Variants in PAPLN observed in about 807,000 individuals in gnomAD.
PAPLN encodes papilin.
A neutral mutation model predicts 159.0 loss-of-function variants in PAPLN; 146 were observed. The observed-to-expected ratio is 0.92, with a 90% confidence interval of 0.80 to 1.05. The LOEUF is 1.05. Ranked by LOEUF, PAPLN falls within the 50% of genes least tolerant of loss-of-function variation. The probability of loss-of-function intolerance (pLI) is 0.00; values close to 1 mark genes in which losing one functional copy is unlikely to be tolerated. For synonymous variants in PAPLN, 734 were observed against 702.9 expected (o/e 1.04, Z -0.70); for missense variants, 1,720 against 1,743.9 (o/e 0.99, Z 0.24).
intron 1 of PAPLN, among the ~76,000 whole-genome samples, chr14:73,238,977 A>G (rs1432367604): frequency 1.3e-5 from 2 of 152,256 alleles, no homozygotes; most frequent in African/African-American, 4.8e-5. Flanking sequence ...ACATGTATGT[A>G]CACATACACA....
intron 16 of PAPLN, among the ~76,000 whole-genome samples, chr14:73,260,267 CCCT>C (rs1226623530): frequency 6.6e-6 from 1 of 152,140 alleles, no homozygotes; most frequent in Non-Finnish European, 1.5e-5. Flanking sequence ...CGGGCACCCT[CCCT>C]CCTTTCACCT....
Position 73,239,823 on chromosome 14 carries a change from C to T in PAPLN, c.45C>T (p.Pro15=), listed in dbSNP as rs1883338796. The change falls in exon 2 of 27, where the codon CCC becomes CCT. Residue 15 remains proline, a synonymous_variant. Coordinates refer to ENST00000644200, the MANE Select transcript of PAPLN (RefSeq NM_001365906.3). ...LLVPLLLAPA[P]GSSAPKVRRQ... is the part of the protein sequence containing the mutation. Reference sequence around the variant, plus strand: ...TGCCGCTGCTGCTGGCTCCAGCGCCCGGGTCCTCGGTGAGTGCGGTCCTGC... The same window carrying T: ...TGCCGCTGCTGCTGGCTCCAGCGCCTGGGTCCTCGGTGAGTGCGGTCCTGC... 2 of 1,590,612 alleles carry T rather than the reference C, an allele frequency of 1.3e-6. No individual in the cohort carries two copies. Among genetic ancestry groups the T allele is most frequent in the East Asian group, 4.5e-5 (2 of 44,322 alleles).
At position 73,266,725 on chromosome 14, in the gene PAPLN, G is replaced by C; in HGVS notation, c.3394G>C (p.Glu1132Gln). 1 of 1,614,122 alleles carries C rather than the reference G, an allele frequency of 6.2e-7. No individual in the cohort carries two copies. Among genetic ancestry groups the C allele is most frequent in the Non-Finnish European group, 8.5e-7 (1 of 1,180,010 alleles). ...CAATGACTTGTCCTTGTGCCCAGGG[G>C]AGCTGACAATCTCAGGACTGCCCCC... ...QRWVQLRVLG[E>Q]LTISGLPPTV... is the part of the protein sequence containing the mutation. Residue 1132 changes from glutamate to glutamine, a missense_variant and splice_region_variant, in exon 25 of 27, where the codon GAG becomes CAG. Transcript: ENST00000644200.
At chr14:73,268,368 G>A (rs1356125477) in intron 25 of PAPLN, 189 bp from the exon 26 acceptor site, 1 of 537,340 alleles carries the variant, frequency 1.9e-6, no homozygotes, top group Non-Finnish European at 3.2e-6. Context: ...AAGGTTGGAG[G>A]GGCACCATCA....
In PAPLN at chr14:73,265,383, C is replaced by T; in HGVS notation, c.3139C>T (p.Gln1047Ter). 6.2e-6 allele frequency: 10 copies of T among 1,610,242 alleles called. No homozygotes were observed. The highest frequency in any genetic ancestry group is 8.5e-6 in the Non-Finnish European group (10 of 1,179,924). ...CTTGTTTGGCAGGCTGCGTTTGGAC[C>T]AGAACCAGCCCCGGGTGGTGGATGC... ...PQPANRLRLD[Q>*]NQPRVVDASP... is the part of the protein sequence containing the mutation. Residue 1047 changes from glutamine to a stop codon, truncating the protein, a stop_gained, in exon 23 of 27, where the codon CAG becomes TAG. Transcript: ENST00000644200. LOFTEE classifies it high-confidence loss of function. This position sits in a 1 kb window ranked among gnomAD's most constrained non-coding sequence, Gnocchi z 4.1.
intron 20 of PAPLN, 65 bp downstream of exon 20, chr14:73,263,847 G>A: frequency 6.6e-7 from 1 of 1,508,494 alleles, no homozygotes; most frequent in Non-Finnish European, 8.9e-7. Flanking sequence ...CCTGACAGGT[G>A]TGTGTGACAG....
Position 73,259,073 on chromosome 14 carries a change from C to T in PAPLN, c.1708+14C>T, listed in dbSNP as rs1384940590. The T allele has an allele frequency of 1.9e-6, 3 of 1,604,028 alleles. No homozygotes were observed. Among genetic ancestry groups the T allele is most frequent in the Admixed American group, 1.7e-5 (1 of 58,240 alleles). ...CCCCTGCCTCAGGTGAGAGCCTGGT[C>T]CCGTCCCCCACTCAGAGCCCTGTAG... On this transcript the variant is annotated intron_variant, in intron 15 of 26. Transcript: ENST00000644200.
chr14:73,253,783 C>A lies in PAPLN; in HGVS notation c.1124C>A (p.Ser375Ter), dbSNP rs771734384. ...AAGGCAGGGCCATGGGCACCCTGCTCAGCCTCCTGTGGAGGAGGCTCCCAG... is the reference window on the plus strand; with the variant it reads ...AAGGCAGGGCCATGGGCACCCTGCTAAGCCTCCTGTGGAGGAGGCTCCCAG... ...RWKAGPWAPC[S>*]ASCGGGSQSR... Residue 375 changes from serine (S) to a stop codon, truncating the protein, a stop_gained, in exon 12 of 27, where the codon TCA (serine) becomes TAA (stop). Transcript: ENST00000644200. LOFTEE classifies it high-confidence loss of function. 3 of 1,605,352 alleles carry A rather than the reference C, an allele frequency of 1.9e-6. No individual in the cohort carries two copies. The East Asian group carries it at 6.7e-5, about 36-fold the overall frequency.
Position 73,251,757 on chromosome 14 carries a change from A to G in PAPLN, c.764A>G (p.Tyr255Cys). ...ALPAASTILH[Y>C]ERGAEGDLAP... Reference sequence around the variant, plus strand: ...CCAGCAGCCAGCACCATCCTGCATTACGAGCGGGGTGCTGAGGGGGACCTG... The same window carrying G: ...CCAGCAGCCAGCACCATCCTGCATTGCGAGCGGGGTGCTGAGGGGGACCTG... Residue 255 changes from tyrosine (Y) to cysteine (C), a missense_variant, in exon 9 of 27, where the codon TAC (tyrosine) becomes TGC (cysteine). Tyr to Cys is a radical substitution (Grantham distance 194). Coordinates refer to ENST00000644200, the MANE Select transcript of PAPLN (RefSeq NM_001365906.3). 1.2e-6 allele frequency: 2 copies of G among 1,611,504 alleles called. No individual in the cohort carries two copies. Among genetic ancestry groups the G allele is most frequent in the Non-Finnish European group, 1.7e-6 (2 of 1,179,220 alleles).
rs758046167 is a variant in PAPLN, at chr14:73,264,591, G to T, written c.2990G>T (p.Gly997Val). Residue 997 changes from glycine (G) to valine (V), a missense_variant, in exon 22 of 27, where the codon GGT (glycine) becomes GTT (valine). Gly to Val is a moderately radical substitution (Grantham distance 109, BLOSUM62 -3). Coordinates refer to ENST00000644200, the MANE Select transcript of PAPLN (RefSeq NM_001365906.3). ...SQKIQLRIIG[G>V]DMAVLSEAEL... ...GTTTCTCCTGGCCTCATGACAGGGG[G>T]TGACATGGCCGTGCTGTCTGAGGCT... 1 of 1,597,448 alleles carries T rather than the reference G, an allele frequency of 6.3e-7. No homozygotes were observed. Among genetic ancestry groups the T allele is most frequent in the Non-Finnish European group, 8.5e-7 (1 of 1,175,314 alleles).
In PAPLN at chr14:73,258,882, TG is replaced by T; in HGVS notation, c.1628-93del. On this transcript the variant is annotated intron_variant, in intron 14 of 26. Coordinates refer to ENST00000644200, the MANE Select transcript of PAPLN (RefSeq NM_001365906.3). Reference sequence around the variant, plus strand: ...GGGTTCCCAGGCCCTGCCTGGGCAGTGGGGTAGAAGCCAGTGCTGGGCAGGG... The same window carrying T: ...GGGTTCCCAGGCCCTGCCTGGGCAGTGGGTAGAAGCCAGTGCTGGGCAGGG... The T allele has an allele frequency of 3.5e-6, 4 of 1,150,436 alleles. No individual in the cohort carries two copies. In the South Asian group the frequency reaches 6.0e-5, roughly 17 times the overall value. 71.3% of individuals were successfully genotyped at this position (1,150,436 alleles called of 1,614,324 possible). A position where few individuals can be genotyped will look rare whatever the true frequency, so the allele number is the denominator to read the frequency against.
At chr14:73,264,872 G>A in intron 22 of PAPLN, 146 bp downstream of exon 22, 1 of 1,326,706 alleles carries the variant, frequency 7.5e-7, no homozygotes, top group Non-Finnish European at 1.0e-6. Context: ...AGAAAAACAG[G>A]GCTCCCAGAG....
At chr14:73,262,325 C>T in intron 18 of PAPLN, 25 bp from the exon 19 acceptor site, 29 of 1,585,220 alleles carry the variant, frequency 1.8e-5, no homozygotes, top group Non-Finnish European at 2.5e-5. Flanking sequence ...ACCTCAGTGA[C>T]TTATATCACA....
intron 1 of PAPLN, among the ~76,000 whole-genome samples, chr14:73,237,856 C>T (rs1238030068): frequency 6.6e-6 from 1 of 152,100 alleles, no homozygotes; most frequent in Non-Finnish European, 1.5e-5. Context: ...GCGCACCCTC[C>T]GCCCGCTCGG....
Position 73,251,532 on chromosome 14 carries a change from C to T in PAPLN, c.636C>T (p.Leu212=), listed in dbSNP as rs1481745245. ...LIVPMGATSI[L]IDEAAASRNF... ...TTCCCATGGGTGCCACCAGCATCCT[C>T]ATCGACGAGGCTGCTGCCAGCAGGA... Residue 212 remains leucine, a synonymous_variant, in exon 8 of 27, where the codon CTC becomes CTT. Transcript: ENST00000644200. 6.2e-7 allele frequency: 1 copy of T among 1,611,986 alleles called. No homozygotes were observed. Among genetic ancestry groups the T allele is most frequent in the Non-Finnish European group, 8.5e-7 (1 of 1,179,896 alleles).
intron 7 of PAPLN, 122 bp downstream of exon 7, chr14:73,251,152 ATCATATCAGG>A: frequency 6.8e-7 from 1 of 1,467,854 alleles, no homozygotes; most frequent in Non-Finnish European, 9.1e-7. Context: ...GAAGGCTCTG[ATCATATCAGG>A]TCACATCTGA....
At chr14:73,270,249 C>A (rs1887596638) in intron 26 of PAPLN, among the ~76,000 whole-genome samples, 1 of 152,352 alleles carries the variant, frequency 6.6e-6, no homozygotes, top group African/African-American at 2.4e-5. Flanking sequence ...TCGTGGCGGC[C>A]CCGCGCTCAG....
chr14:73,247,984 CTGTGTGTGTGTGTGTGTGTG>C (rs60942606), intron 5 of PAPLN, among the ~76,000 whole-genome samples: 2 of 19,364 alleles, frequency 1.0e-4, no homozygotes, highest in South Asian at 3.2e-3. Context: ...CTCATATCCT[CTGTGTGTGTGTGTGTGTGTG>C]TGTGTGTGTG....
chr14:73,255,310 T>C (rs1474039241), intron 14 of PAPLN, among the ~76,000 whole-genome samples: 1 of 152,222 alleles, frequency 6.6e-6, no homozygotes, highest in Non-Finnish European at 1.5e-5. Context: ...TTCCTTGTGC[T>C]GCTGTGGTTG....
Sources: allele counts gnomAD v4.1 joint callset (sites outside exome capture counted in the v4.1 genomes callset), GRCh38; gene constraint gnomAD v4.1.1; non-coding constraint Gnocchi (gnomAD v3.1); transcripts MANE v1.5; gene names NCBI Gene and HGNC (gene_info 2026-07-23, HGNC 2026-07-21).